The following SRC variants were observed in gnomAD, a reference collection of about 807,000 sequenced individuals.
The protein encoded by SRC is proto-oncogene tyrosine-protein kinase Src.
Under a neutral mutation model 62.9 loss-of-function variants are expected in SRC, and 13 were observed. The observed-to-expected ratio is 0.21, with a 90% CI of 0.13 to 0.33. SRC has a LOEUF of 0.33. Ranked by LOEUF, SRC falls within the 10% of genes least tolerant of loss-of-function variation. The pLI is 1.00. For synonymous variants in SRC, 302 were observed against 317.5 expected (o/e 0.95, Z 0.52); for missense variants, 457 against 737.3 (o/e 0.62, Z 4.40).
Position 37,404,146 on chromosome 20 carries a change from G to A in SRC, c.*767G>A, listed in dbSNP as rs2070787417. ...CCCGGTGCTCCCTCTGTCATCCTCA[G>A]GAACCAACAATTCGTCGGAGGCATC... On this transcript the variant is annotated 3_prime_UTR_variant, in exon 14 of 14. Coordinates refer to ENST00000373578, the MANE Select transcript of SRC (RefSeq NM_198291.3). The A allele has an allele frequency of 8.6e-6, 2 of 233,784 alleles. No individual in the cohort carries two copies. The highest frequency in any genetic ancestry group is 1.7e-5 in the Non-Finnish European group (2 of 118,110). 14.5% of individuals were successfully genotyped at this position (233,784 alleles called of 1,614,324 possible). A position where few individuals can be genotyped will look rare whatever the true frequency, so the allele number is the denominator to read the frequency against.
intron 2 of SRC, among the ~76,000 whole-genome samples, chr20:37,368,511 A>G (rs1190862757): frequency 1.2e-4 from 12 of 100,162 alleles, no homozygotes; most frequent in African/African-American, 4.1e-4. Flanking sequence ...ATTTATGCCT[A>G]TATTTTCTTT....
rs973129150 is a variant in SRC, at chr20:37,404,502, A to T, written c.*1123A>T. On this transcript the variant is annotated 3_prime_UTR_variant, in exon 14 of 14. Transcript: ENST00000373578. Reference sequence around the variant, plus strand: ...CCGTACTTTGTCCCGTGGCATTTCAATTCCTGGCCCTGTTCTCCTCCCCAA... The same window carrying T: ...CCGTACTTTGTCCCGTGGCATTTCATTTCCTGGCCCTGTTCTCCTCCCCAA... 3.0e-5 allele frequency: 7 copies of T among 233,566 alleles called. No homozygotes were observed. Among genetic ancestry groups the T allele is most frequent in the Admixed American group, 2.8e-4 (5 of 17,782 alleles). The allele number at this position is 233,566 out of a possible 1,614,324, so 14.5% of individuals were successfully genotyped here.
rs1382053093 is a variant in SRC at position 37,351,713 on chromosome 20, C to T, written c.-247+5458C>T. Among the ~76,000 whole-genome samples, 2 of 152,200 alleles carry T rather than the reference C, an allele frequency of 1.3e-5. No individual in the cohort carries two copies. The highest frequency in any genetic ancestry group is 1.3e-4 in the Admixed American group (2 of 15,290). On this transcript the variant is annotated intron_variant, in intron 1 of 13. Coordinates refer to ENST00000373578, the MANE Select transcript of SRC (RefSeq NM_198291.3). This position sits in a 1 kb window ranked among gnomAD's most constrained non-coding sequence, Gnocchi z 4.4. ...TGAGCTGGGTCATAATAAGGTGACC[C>T]ATTGTGTCCCTTGCTCCATCCTGGG... is the stretch of plus-strand genomic sequence containing the variant.
intron 2 of SRC, among the ~76,000 whole-genome samples, chr20:37,381,955 C>A (rs991129463): frequency 1.3e-5 from 2 of 152,158 alleles, no homozygotes; most frequent in African/African-American, 4.8e-5. Flanking sequence ...GCAAACCATA[C>A]CCCCATTGTG....
chr20:37,397,991 C>T lies in SRC; in HGVS notation c.859+137C>T, dbSNP rs150807939. The T allele has an allele frequency of 6.3e-5, 74 of 1,177,064 alleles. No individual in the cohort carries two copies. The highest frequency in any genetic ancestry group is 7.9e-5 in the Non-Finnish European group (68 of 858,712). The allele number at this position is 1,177,064 out of a possible 1,614,324, so 72.9% of individuals were successfully genotyped here. ...CTGTTGTAAATCTGGAGCTCCCCAG[C>T]GGTGGCTGGCACCGAGTTGGGTTGT... On this transcript the variant is annotated intron_variant, in intron 9 of 13. Transcript: ENST00000373578. The surrounding 1 kb of genome is among the most constrained non-coding windows in gnomAD (Gnocchi z 4.1).
chr20:37,363,325 C>T (rs2070006790), intron 1 of SRC, among the ~76,000 whole-genome samples: 1 of 152,216 alleles, frequency 6.6e-6, no homozygotes, highest in Non-Finnish European at 1.5e-5. Context: ...CAGCAGTGAC[C>T]CAGTTATACC....
At chr20:37,390,305 A>G (rs947314297) in intron 5 of SRC, among the ~76,000 whole-genome samples, 3 of 151,776 alleles carry the variant, frequency 2.0e-5, no homozygotes, top group African/African-American at 7.3e-5. Flanking sequence ...CTGTGGAAAT[A>G]CCAATTTAGT....
At chr20:37,376,256 T>C (rs938825758) in intron 2 of SRC, among the ~76,000 whole-genome samples, 49 of 152,230 alleles carry the variant, frequency 3.2e-4, no homozygotes, top group Non-Finnish European at 1.3e-4. Context: ...TGCCTAACTG[T>C]CAAAGTGACT....
chr20:37,372,858 T>C (rs2070188647), intron 2 of SRC, among the ~76,000 whole-genome samples: 1 of 152,196 alleles, frequency 6.6e-6, no homozygotes, highest in Admixed American at 6.5e-5. Context: ...TTTTCTTTGT[T>C]TGTCCTTTGA....
intron 1 of SRC, among the ~76,000 whole-genome samples, chr20:37,346,689 A>C (rs2069728001): frequency 6.6e-6 from 1 of 151,868 alleles, no homozygotes; most frequent in Non-Finnish European, 1.5e-5. Context: ...GGGGATCGGC[A>C]GGGCGGGCTG....
rs2069799819 is a variant in SRC at position 37,351,463 on chromosome 20, C to T, written c.-247+5208C>T. On this transcript the variant is annotated intron_variant, in intron 1 of 13. Transcript: ENST00000373578. The surrounding 1 kb of genome is among the most constrained non-coding windows in gnomAD (Gnocchi z 4.4). ...GTGGGTGGTGATATTTGTGGACCCA[C>T]TGAGAAACTTTAGGAACGGGTTCTT... 6.6e-6 allele frequency among the ~76,000 whole-genome samples: 1 copy of T among 152,090 alleles called. No homozygotes were observed. Among genetic ancestry groups the T allele is most frequent in the Non-Finnish European group, 1.5e-5 (1 of 68,032 alleles).
At chr20:37,373,428 T>TATATATACGCATATATACGCATATATGC (rs1361074271) in intron 2 of SRC, among the ~76,000 whole-genome samples, 2,072 of 151,016 alleles carry the variant, frequency 0.014, 52 homozygotes, top group African/African-American at 0.048. Context: ...CATATATGCG[T>TATATATACGCATATATACGCATATATGC]GTATATACGC....
At chr20:37,349,274 C>A (rs1354039049) in intron 1 of SRC, among the ~76,000 whole-genome samples, 1 of 152,036 alleles carries the variant, frequency 6.6e-6, no homozygotes, top group Non-Finnish European at 1.5e-5. Context: ...AGTAGGAGTT[C>A]ACTAGCAGCA....
chr20:37,353,283 G>C (rs997994662), intron 1 of SRC, among the ~76,000 whole-genome samples: 1 of 152,064 alleles, frequency 6.6e-6, no homozygotes, highest in African/African-American at 2.4e-5. Flanking sequence ...TTTCCCCACT[G>C]AGCCCGTCTC....
In SRC at chr20:37,397,145, A is replaced by C. The variant is rs923360126; in HGVS notation, c.704-554A>C. Among the ~76,000 whole-genome samples, 3 of 151,620 alleles carry C rather than the reference A, an allele frequency of 2.0e-5. No individual in the cohort carries two copies. On this transcript the variant is annotated intron_variant, in intron 8 of 13. Coordinates refer to ENST00000373578, the MANE Select transcript of SRC (RefSeq NM_198291.3). This position sits in a 1 kb window ranked among gnomAD's most constrained non-coding sequence, Gnocchi z 4.1. ...CCTCCGCCTGGTGCCACCCTTCCCCACCTGCTCCCTGCGCCCCTTTGTCCT... is the reference window on the plus strand; with the variant it reads ...CCTCCGCCTGGTGCCACCCTTCCCCCCCTGCTCCCTGCGCCCCTTTGTCCT...
intron 7 of SRC, among the ~76,000 whole-genome samples, chr20:37,395,815 T>A (rs534575592): frequency 1.3e-5 from 2 of 152,256 alleles, no homozygotes; most frequent in South Asian, 4.1e-4. Context: ...TTGCATGGAA[T>A]CTCCCCAGCA....
intron 2 of SRC, among the ~76,000 whole-genome samples, chr20:37,380,667 C>T (rs2070352128): frequency 1.3e-5 from 2 of 152,108 alleles, no homozygotes; most frequent in South Asian, 4.2e-4. Flanking sequence ...GTGTCAGGCC[C>T]GTCCTGGTCT....
chr20:37,396,204 G>A lies in SRC; in HGVS notation c.596G>A (p.Gly199Asp), dbSNP rs753404366. Reference protein sequence around the residue: ...LSVSDFDNAKGLNVKHYKIRK... With the variant: ...LSVSDFDNAKDLNVKHYKIRK... Reference sequence around the variant, plus strand: ...GTGTCTGACTTCGACAACGCCAAGGGCCTCAACGTGAAGCACTACAAGATC... The same window carrying A: ...GTGTCTGACTTCGACAACGCCAAGGACCTCAACGTGAAGCACTACAAGATC... Residue 199 changes from glycine to aspartate, a missense_variant, in exon 8 of 14, where the codon GGC becomes GAC. This residue lies in a region of SRC where 141 missense variants were observed against 198.4 expected (regional missense o/e 0.71). Transcript: ENST00000373578. This position sits in a 1 kb window ranked among gnomAD's most constrained non-coding sequence, Gnocchi z 6.1. The A allele has an allele frequency of 6.2e-7, 1 of 1,613,954 alleles. No homozygotes were observed. Among genetic ancestry groups the A allele is most frequent in the Non-Finnish European group, 8.5e-7 (1 of 1,180,018 alleles).
intron 2 of SRC, among the ~76,000 whole-genome samples, chr20:37,375,627 A>G (rs890791467): frequency 6.6e-6 from 1 of 150,898 alleles, no homozygotes; most frequent in African/African-American, 2.4e-5. Flanking sequence ...CGTCTGCCTC[A>G]GCCTCCCAAA....
Sources: allele counts gnomAD v4.1 joint callset (sites outside exome capture counted in the v4.1 genomes callset), GRCh38; gene constraint gnomAD v4.1.1; regional missense constraint gnomAD v4.1.1; non-coding constraint Gnocchi (gnomAD v3.1); transcripts MANE v1.5; gene names NCBI Gene and HGNC (gene_info 2026-07-23, HGNC 2026-07-21).